The following PRKCA variants were observed in gnomAD, a reference collection of about 807,000 sequenced individuals.
The protein encoded by PRKCA is protein kinase C alpha type.
In PRKCA, 27 loss-of-function variants were observed where a neutral mutation model predicts 87.0. The ratio of observed to expected loss-of-function variants is 0.31; its 90% confidence interval spans 0.23 to 0.43. PRKCA has a LOEUF of 0.43. PRKCA is among the 20% of genes least tolerant of loss of function. The probability of loss-of-function intolerance (pLI) is 1.00; values close to 1 mark genes in which losing one functional copy is unlikely to be tolerated. For synonymous variants in PRKCA, 329 were observed against 311.1 expected (o/e 1.06, Z -0.61); for missense variants, 518 against 852.3 (o/e 0.61, Z 4.88).
chr17:66,405,222 G>T (rs949778368), intron 2 of PRKCA, among the ~76,000 whole-genome samples: 2 of 152,240 alleles, frequency 1.3e-5, no homozygotes, highest in Non-Finnish European at 2.9e-5. Flanking sequence ...TGAGGCAGGT[G>T]TGGGAATGAA....
intron 2 of PRKCA, among the ~76,000 whole-genome samples, chr17:66,480,621 G>C (rs1290735866): frequency 6.6e-6 from 1 of 152,098 alleles, no homozygotes; most frequent in African/African-American, 2.4e-5. Flanking sequence ...GTGTTTACTT[G>C]TACCGTGCCC....
chr17:66,771,125 C>T (rs985175976), intron 13 of PRKCA, among the ~76,000 whole-genome samples: 6 of 151,976 alleles, frequency 3.9e-5, no homozygotes, highest in African/African-American at 1.4e-4. Flanking sequence ...GCCTCAGCCT[C>T]CCGAGTAGCT....
intron 8 of PRKCA, among the ~76,000 whole-genome samples, chr17:66,724,093 T>G (rs890969845): frequency 1.3e-5 from 2 of 152,112 alleles, no homozygotes; most frequent in Non-Finnish European, 2.9e-5. Flanking sequence ...AAATGCATGT[T>G]TGGACTTAGT....
Position 66,806,827 on chromosome 17 carries a change from T to G in PRKCA, c.*2790T>G, listed in dbSNP as rs1038462240. Reference sequence around the variant, plus strand: ...GCCCCGACAGGGGTGCCCAGCACACTGCCTGAGGGACAACAGACATCAGAA... The same window carrying G: ...GCCCCGACAGGGGTGCCCAGCACACGGCCTGAGGGACAACAGACATCAGAA... On this transcript the variant is annotated 3_prime_UTR_variant, in exon 17 of 17. Transcript: ENST00000413366. The G allele has an allele frequency of 1.3e-5, 2 of 152,354 alleles. No individual in the cohort carries two copies. The highest frequency in any genetic ancestry group is 1.9e-4 in the East Asian group (1 of 5,186). The allele number at this position is 152,354 out of a possible 1,614,324, so 9.4% of individuals were successfully genotyped here. A position where few individuals can be genotyped will look rare whatever the true frequency, so the allele number is the denominator to read the frequency against.
intron 2 of PRKCA, among the ~76,000 whole-genome samples, chr17:66,375,941 G>A (rs1260555175): frequency 6.6e-6 from 1 of 152,122 alleles, no homozygotes; most frequent in Non-Finnish European, 1.5e-5. Flanking sequence ...GAAGATAACT[G>A]AGGTCATGGA....
chr17:66,655,549 G>C (rs965425506), intron 5 of PRKCA, among the ~76,000 whole-genome samples: 1 of 152,084 alleles, frequency 6.6e-6, no homozygotes. Flanking sequence ...TTCTCTCCAT[G>C]CCCTTTATAA....
intron 2 of PRKCA, among the ~76,000 whole-genome samples, chr17:66,493,223 A>G (rs901199085): frequency 7.9e-5 from 12 of 151,904 alleles, no homozygotes; most frequent in East Asian, 3.9e-4. Flanking sequence ...CCATGATTCT[A>G]TTTCCCTAAT....
chr17:66,727,103 G>A lies in PRKCA; in HGVS notation c.919-5585G>A, dbSNP rs111256206. ...GAGGGGTTTTGCTGCCCGTGGGCTA[G>A]GGGAGGTCCCCAAACGCTGGTGGGA... is the stretch of plus-strand genomic sequence containing the variant. On this transcript the variant is annotated intron_variant, in intron 8 of 16. Transcript: ENST00000413366. Among the ~76,000 whole-genome samples the A allele has an allele frequency of 2.2e-3, 330 of 152,312 alleles. 2 individuals carry two copies. Among genetic ancestry groups the A allele is most frequent in the African/African-American group, 7.3e-3 (305 of 41,578 alleles).
At chr17:66,594,040 G>A (rs1309031775) in intron 3 of PRKCA, among the ~76,000 whole-genome samples, 2 of 152,204 alleles carry the variant, frequency 1.3e-5, no homozygotes, top group South Asian at 2.1e-4. Flanking sequence ...AGCTGAGATC[G>A]CACCATTGCA....
At chr17:66,307,144 A>G (rs1422187127) in intron 2 of PRKCA, among the ~76,000 whole-genome samples, 1 of 152,184 alleles carries the variant, frequency 6.6e-6, no homozygotes, top group African/African-American at 2.4e-5. Context: ...CATATTTTAG[A>G]TGGGAGTATT....
At chr17:66,401,956 C>A (rs1418721651) in intron 2 of PRKCA, among the ~76,000 whole-genome samples, 1 of 152,190 alleles carries the variant, frequency 6.6e-6, no homozygotes, top group Non-Finnish European at 1.5e-5. Flanking sequence ...TAGAGACACA[C>A]TCTTGGTTCT....
intron 2 of PRKCA, among the ~76,000 whole-genome samples, chr17:66,436,053 G>C (rs764534985): frequency 6.6e-6 from 1 of 152,190 alleles, no homozygotes; most frequent in Non-Finnish European, 1.5e-5. Context: ...GTGATGGCTG[G>C]CAGGGGAAAA....
chr17:66,646,349 T>C (rs1340873691), intron 5 of PRKCA, among the ~76,000 whole-genome samples: 2 of 152,176 alleles, frequency 1.3e-5, no homozygotes, highest in Non-Finnish European at 2.9e-5. Flanking sequence ...TGGAGTCTTA[T>C]TGGCCTAGGA....
chr17:66,327,966 A>G (rs1359821029), intron 2 of PRKCA, among the ~76,000 whole-genome samples: 1 of 152,174 alleles, frequency 6.6e-6, no homozygotes, highest in Non-Finnish European at 1.5e-5. Flanking sequence ...GTAACAAAAG[A>G]CTGCATATGG....
chr17:66,317,470 A>C (rs1673213456), intron 2 of PRKCA, among the ~76,000 whole-genome samples: 1 of 152,210 alleles, frequency 6.6e-6, no homozygotes. Context: ...ACAGAAGCTA[A>C]GTAGGCTGCC....
chr17:66,791,865 C>T (rs1975546853), intron 16 of PRKCA, among the ~76,000 whole-genome samples: 1 of 152,230 alleles, frequency 6.6e-6, no homozygotes, highest in African/African-American at 2.4e-5. Context: ...TGTGGTGTTC[C>T]AGCTTCCTTG....
chr17:66,793,601 A>C (rs1975595347), intron 16 of PRKCA, among the ~76,000 whole-genome samples: 1 of 151,044 alleles, frequency 6.6e-6, no homozygotes, highest in Non-Finnish European at 1.5e-5. Context: ...AAAAAAAAAA[A>C]AAAAAAAAAA....
intron 3 of PRKCA, among the ~76,000 whole-genome samples, chr17:66,618,813 A>T (rs1337618476): frequency 2.0e-5 from 3 of 152,208 alleles, no homozygotes; most frequent in Non-Finnish European, 2.9e-5. Flanking sequence ...GAGAATTGCT[A>T]AGGCAACTGT....
intron 2 of PRKCA, among the ~76,000 whole-genome samples, chr17:66,472,236 T>C (rs3848422): frequency 0.47 from 71,210 of 152,028 alleles, 17,740 homozygotes; most frequent in African/African-American, 0.63. Flanking sequence ...CCATCACACA[T>C]AGCCTAAGTT....
Sources: allele counts gnomAD v4.1 joint callset (sites outside exome capture counted in the v4.1 genomes callset), GRCh38; gene constraint gnomAD v4.1.1; transcripts MANE v1.5; gene names NCBI Gene and HGNC (gene_info 2026-07-23, HGNC 2026-07-21).